ZMIZ1: variants seen among roughly 807,000 people sequenced by gnomAD.
The protein encoded by ZMIZ1 is zinc finger MIZ domain-containing protein 1.
ZMIZ1 carries 17 observed loss-of-function variants against 113.9 expected under a neutral mutation model. That is an observed-to-expected ratio of 0.15 (90% confidence interval 0.10 to 0.22). The LOEUF (loss-of-function observed/expected upper bound fraction) is 0.22. ZMIZ1 is among the 10% of genes least tolerant of loss of function. The pLI, the probability that ZMIZ1 is intolerant of heterozygous loss-of-function variation, is 1.00. For synonymous variants in ZMIZ1, 607 were observed against 603.1 expected, an observed-to-expected ratio of 1.01 and a Z score of -0.09; for missense variants, 1,059 against 1,477.8, an observed-to-expected ratio of 0.72 and a Z score of 4.65.
At chr10:79,120,773 G>A (rs1844256975) in intron 2 of ZMIZ1, among the ~76,000 whole-genome samples, 1 of 152,192 alleles carries the variant, frequency 6.6e-6, no homozygotes, top group African/African-American at 2.4e-5. Context: ...GGGATGTGGG[G>A]GCTGTTCCTC....
intron 15 of ZMIZ1, among the ~76,000 whole-genome samples, chr10:79,298,798 C>CTAT (rs1589596054): frequency 6.6e-6 from 1 of 152,208 alleles, no homozygotes; most frequent in East Asian, 1.9e-4. Context: ...GGAGGAAAAT[C>CTAT]TATACGCAGC....
intron 4 of ZMIZ1, among the ~76,000 whole-genome samples, chr10:79,185,317 T>C (rs1247095879): frequency 6.6e-6 from 1 of 152,230 alleles, no homozygotes; most frequent in African/African-American, 2.4e-5. Flanking sequence ...GCCTTCTCCC[T>C]GAGCCTGCTG....
intron 4 of ZMIZ1, 71 bp from the exon 5 acceptor site, chr10:79,201,513 G>A: frequency 8.8e-7 from 1 of 1,132,580 alleles, no homozygotes; most frequent in Non-Finnish European, 1.3e-6. Context: ...TGGCCAGAGG[G>A]CAGTTGGGAG....
chr10:79,285,843 G>A (rs1853042465), intron 8 of ZMIZ1, among the ~76,000 whole-genome samples: 1 of 152,250 alleles, frequency 6.6e-6, no homozygotes, highest in African/African-American at 2.4e-5. Context: ...CCCGGAGGAG[G>A]TGGCCTTTGG....
At chr10:79,158,285 C>G (rs1845979999) in intron 3 of ZMIZ1, among the ~76,000 whole-genome samples, 1 of 152,162 alleles carries the variant, frequency 6.6e-6, no homozygotes, top group South Asian at 2.1e-4. Flanking sequence ...TGAGGGTGCC[C>G]TGGTGTAACC....
At chr10:79,229,743 C>T (rs777386480) in intron 7 of ZMIZ1, among the ~76,000 whole-genome samples, 2 of 152,156 alleles carry the variant, frequency 1.3e-5, no homozygotes, top group Non-Finnish European at 2.9e-5. Context: ...CCAGACCTGG[C>T]AGGGACATGC....
chr10:79,089,883 G>T (rs1842937059), intron 1 of ZMIZ1, among the ~76,000 whole-genome samples: 1 of 152,230 alleles, frequency 6.6e-6, no homozygotes, highest in Admixed American at 6.5e-5. Context: ...GAGGGGACAG[G>T]TTGTAGAGAG....
At chr10:79,215,082 A>G (rs78439400) in intron 6 of ZMIZ1, among the ~76,000 whole-genome samples, 4,205 of 152,212 alleles carry the variant, frequency 0.028, 184 homozygotes, top group African/African-American at 0.096. Flanking sequence ...CTCCAAACAC[A>G]CCATTGCTGT....
intron 7 of ZMIZ1, among the ~76,000 whole-genome samples, chr10:79,257,159 C>G (rs754011160): frequency 3.9e-5 from 6 of 152,256 alleles, no homozygotes; most frequent in Non-Finnish European, 5.9e-5. Flanking sequence ...CAACTCCGCT[C>G]ATCCCATTGC....
At chr10:79,098,563 A>T (rs997447833) in intron 1 of ZMIZ1, among the ~76,000 whole-genome samples, 3 of 152,242 alleles carry the variant, frequency 2.0e-5, no homozygotes, top group African/African-American at 7.2e-5. Context: ...CTGATAAGTA[A>T]TTGGCATTAC....
intron 8 of ZMIZ1, among the ~76,000 whole-genome samples, chr10:79,288,419 A>G (rs1277455157): frequency 1.3e-5 from 2 of 152,130 alleles, no homozygotes; most frequent in Non-Finnish European, 2.9e-5. Context: ...AACCTTTGCC[A>G]TTTGCTGTCT....
At chr10:79,101,762 A>G (rs1156677037) in intron 1 of ZMIZ1, among the ~76,000 whole-genome samples, 2 of 152,136 alleles carry the variant, frequency 1.3e-5, no homozygotes, top group Admixed American at 6.5e-5. Context: ...TGCCATGAAG[A>G]CAGCCGTGGG....
Position 79,293,581 on chromosome 10 carries a change from C to T in ZMIZ1, c.1158C>T (p.Pro386=), listed in dbSNP as rs1378200180. ...SPFGTHGQRM[P]QQTYPGPRPQ... is the part of the protein sequence containing the mutation. ...TTGGCACACACGGGCAGCGGATGCC[C>T]CAGCAGACCTACCCGGGCCCCCGGC... The change falls in exon 12 of 25, where the codon CCC becomes CCT. Residue 386 remains proline, a synonymous_variant. Transcript: ENST00000334512. 6.2e-7 allele frequency: 1 copy of T among 1,613,088 alleles called. No homozygotes were observed. The highest frequency in any genetic ancestry group is 1.7e-5 in the Admixed American group (1 of 60,032).
intron 3 of ZMIZ1, among the ~76,000 whole-genome samples, chr10:79,156,151 A>C (rs1358676318): frequency 6.6e-6 from 1 of 152,036 alleles, no homozygotes; most frequent in Non-Finnish European, 1.5e-5. Flanking sequence ...TTTTTAAATA[A>C]AGAAATGAAT....
Position 79,077,246 on chromosome 10 carries a change from G to A in ZMIZ1, c.-337+7976G>A, listed in dbSNP as rs1265168429. 3.3e-5 allele frequency among the ~76,000 whole-genome samples: 5 copies of A among 152,188 alleles called. No homozygotes were observed. In the East Asian group the frequency reaches 7.7e-4, roughly 23 times the overall value. Reference sequence around the variant, plus strand: ...CCCCGGTGGACCTTGACCGCCGCTGGGAAGCACAGTGCACAGCTCTAACCA... The same window carrying A: ...CCCCGGTGGACCTTGACCGCCGCTGAGAAGCACAGTGCACAGCTCTAACCA... On this transcript the variant is annotated intron_variant, in intron 1 of 24. Transcript: ENST00000334512.
intron 1 of ZMIZ1, among the ~76,000 whole-genome samples, chr10:79,091,837 A>G (rs1842990497): frequency 6.6e-6 from 1 of 152,102 alleles, no homozygotes; most frequent in South Asian, 2.1e-4. Context: ...CACTTATTCT[A>G]GAAGTGGGGA....
chr10:79,108,570 T>C (rs1234484786), intron 1 of ZMIZ1, among the ~76,000 whole-genome samples: 2 of 151,978 alleles, frequency 1.3e-5, no homozygotes, highest in Non-Finnish European at 2.9e-5. Context: ...GCCGGACATA[T>C]TGGGCTAGCA....
chr10:79,307,489 C>T lies in ZMIZ1; in HGVS notation c.2753C>T (p.Pro918Leu), dbSNP rs776836186. The T allele has an allele frequency of 6.3e-7, 1 of 1,592,598 alleles. No individual in the cohort carries two copies. Among genetic ancestry groups the T allele is most frequent in the Non-Finnish European group, 8.6e-7 (1 of 1,161,190 alleles). Residue 918 changes from proline (P) to leucine (L), a missense_variant, in exon 23 of 25, where the codon CCC (proline) becomes CTC (leucine). Pro to Leu is a moderately conservative substitution (Grantham distance 98). This residue lies in a region of ZMIZ1 where 225 missense variants were observed against 276.0 expected (regional missense o/e 0.82). Transcript: ENST00000334512. ...GTSMNDFMHG[P>L]PQLSHPPDMP... The stretch of plus-strand genomic sequence containing the variant: ...TCCATGAATGACTTCATGCACGGGC[C>T]CCCCCAGCTCTCCCACCCCCCGGAC...
At chr10:79,125,666 C>A (rs905882615) in intron 2 of ZMIZ1, among the ~76,000 whole-genome samples, 2 of 152,214 alleles carry the variant, frequency 1.3e-5, no homozygotes, top group Non-Finnish European at 2.9e-5. Flanking sequence ...GCCTCAGCGA[C>A]CTTGCAGCAA....
Sources: gnomAD v4.1 joint callset for allele counts (sites outside exome capture counted in the v4.1 genomes callset) on GRCh38, gnomAD v4.1.1 for gene constraint, gnomAD v4.1.1 regional missense constraint, MANE v1.5 for transcripts, NCBI Gene and HGNC (gene_info 2026-07-23, HGNC 2026-07-21) for gene names.